RHCE: variants seen among roughly 807,000 people sequenced by gnomAD.
RHCE encodes the protein blood group Rh(CE) polypeptide.
RHCE carries 22 observed loss-of-function variants against 43.8 expected under a neutral mutation model. The ratio of observed to expected loss-of-function variants is 0.50; its 90% CI spans 0.36 to 0.72. The LOEUF is 0.72. Among genes scored for constraint, RHCE ranks in the 30% least tolerant of loss-of-function variants. RHCE has a pLI of 0.00. For missense variants in RHCE, 385 were observed against 525.4 expected (o/e 0.73, Z 2.61); for synonymous variants, 156 against 210.7 (o/e 0.74, Z 2.25).
chr1:25,385,993 T>C (rs959548796), intron 6 of RHCE, 149 bp from the exon 7 acceptor site: 11 of 1,177,618 alleles, frequency 9.3e-6, no homozygotes, highest in African/African-American at 7.5e-5. Context: ...CTTGAATGTG[T>C]ACTCACATCA....
intron 3 of RHCE, among the ~76,000 whole-genome samples, chr1:25,395,196 C>T (rs1274906309): frequency 1.4e-5 from 2 of 143,950 alleles, no homozygotes; most frequent in East Asian, 3.9e-4. Context: ...GCTGTAGCTG[C>T]TTGGACCAGA....
intron 3 of RHCE, among the ~76,000 whole-genome samples, chr1:25,396,554 A>C (rs1009637954): frequency 6.6e-6 from 1 of 152,230 alleles, no homozygotes; most frequent in African/African-American, 2.4e-5. Flanking sequence ...GAGAGGCCTC[A>C]GGAAACTTAC....
chr1:25,405,924 C>T (rs1177256855), intron 2 of RHCE, among the ~76,000 whole-genome samples: 3 of 122,654 alleles, frequency 2.4e-5, no homozygotes, highest in African/African-American at 5.0e-5. Flanking sequence ...TGACGGGAAC[C>T]GGTCAGGAAG....
intron 5 of RHCE, among the ~76,000 whole-genome samples, chr1:25,389,910 C>T (rs777687962): frequency 6.6e-6 from 1 of 152,138 alleles, no homozygotes; most frequent in Non-Finnish European, 1.5e-5. Flanking sequence ...TGAGCTGACA[C>T]CCACTCCTGC....
chr1:25,424,894 G>A (rs1249979928), upstream of RHCE, among the ~76,000 whole-genome samples: 2 of 151,650 alleles, frequency 1.3e-5, no homozygotes, highest in Non-Finnish European at 2.9e-5. Flanking sequence ...TTGGCTCATT[G>A]CAACTTCTGC....
intron 7 of RHCE, among the ~76,000 whole-genome samples, chr1:25,379,502 T>C (rs1338335000): frequency 2.6e-5 from 1 of 38,110 alleles, no homozygotes; most frequent in African/African-American, 2.8e-4. Context: ...TATATTTTTT[T>C]TTTTTTTTTT....
chr1:25,392,404 G>C (rs940651109), intron 3 of RHCE, among the ~76,000 whole-genome samples: 2 of 152,058 alleles, frequency 1.3e-5, no homozygotes, highest in African/African-American at 4.8e-5. Context: ...TGGGATTACA[G>C]GCATGCGCCA....
upstream of RHCE, among the ~76,000 whole-genome samples, chr1:25,422,487 C>T (rs618062): frequency 3.5e-4 from 54 of 152,118 alleles, no homozygotes; most frequent in African/African-American, 9.7e-4. Flanking sequence ...CTAACTGTTA[C>T]TAAGTACTTG....
chr1:25,409,895 A>AT lies in RHCE; in HGVS notation c.149-1027dup, dbSNP rs879317136. ...ACTTGCCCCGGTGGGTAGAGCTAAG[A>AT]TTTTTTTTTTTTAATTTTGAGATAG... On this transcript the variant is annotated intron_variant, in intron 1 of 9. Coordinates refer to ENST00000294413, the MANE Select transcript of RHCE (RefSeq NM_020485.8). 1.4e-3 allele frequency among the ~76,000 whole-genome samples: 208 copies of AT among 145,784 alleles called. 1 individual carries two copies. Among genetic ancestry groups the AT allele is most frequent in the African/African-American group, 4.2e-3 (164 of 39,112 alleles).
intron 3 of RHCE, among the ~76,000 whole-genome samples, chr1:25,400,349 C>T (rs1357708813): frequency 1.3e-5 from 2 of 152,092 alleles, no homozygotes; most frequent in Non-Finnish European, 2.9e-5. Flanking sequence ...AGCCCTCATC[C>T]GACTTGACCT....
At chr1:25,392,862 C>G (rs1233450148) in intron 3 of RHCE, among the ~76,000 whole-genome samples, 2 of 152,116 alleles carry the variant, frequency 1.3e-5, no homozygotes, top group African/African-American at 4.8e-5. Flanking sequence ...CACGCCCGGC[C>G]TATCAGTAGC....
At chr1:25,389,394 C>A (rs760938) in intron 5 of RHCE, among the ~76,000 whole-genome samples, 65,680 of 151,886 alleles carry the variant, frequency 0.43, 15,463 homozygotes, top group Non-Finnish European at 0.54. Context: ...CCTAGGCACC[C>A]ATCACACTCA....
chr1:25,382,532 G>A (rs890001045), intron 7 of RHCE, among the ~76,000 whole-genome samples: 6 of 150,596 alleles, frequency 4.0e-5, no homozygotes, highest in African/African-American at 1.5e-4. Flanking sequence ...CATTCTATAT[G>A]ATGCTGTCTG....
In RHCE at chr1:25,362,440, G is replaced by A. The variant is rs780680734; in HGVS notation, c.*87C>T. On this transcript the variant is annotated 3_prime_UTR_variant, in exon 10 of 10. Coordinates refer to ENST00000294413, the MANE Select transcript of RHCE (RefSeq NM_020485.8). ...ATACATAAGGAGACTTTGCTGTCAT[G>A]AGCGTTTCTCACGTACAAATGCAGG... is the stretch of plus-strand genomic sequence containing the variant. The A allele has an allele frequency of 3.7e-6, 6 of 1,613,370 alleles. No homozygotes were observed. The highest frequency in any genetic ancestry group is 2.2e-5 in the East Asian group (1 of 44,852).
At chr1:25,387,321 G>A (rs566649994) in intron 6 of RHCE, among the ~76,000 whole-genome samples, 58 of 152,274 alleles carry the variant, frequency 3.8e-4, no homozygotes, top group African/African-American at 1.2e-3. Flanking sequence ...AAGCATTTCC[G>A]GACCCATCCC....
chr1:25,404,753 C>A (rs1378883794), intron 2 of RHCE, among the ~76,000 whole-genome samples: 1 of 151,810 alleles, frequency 6.6e-6, no homozygotes, highest in Admixed American at 6.6e-5. Context: ...TGCCTTGGTG[C>A]CTCCATTTAT....
At chr1:25,377,741 T>C (rs1488074687) in intron 7 of RHCE, among the ~76,000 whole-genome samples, 1 of 152,096 alleles carries the variant, frequency 6.6e-6, no homozygotes, top group African/African-American at 2.4e-5. Flanking sequence ...AAAAATTATT[T>C]TGTCTATACA....
chr1:25,378,630 T>C (rs1467087761), intron 7 of RHCE, among the ~76,000 whole-genome samples: 1 of 152,150 alleles, frequency 6.6e-6, no homozygotes, highest in Non-Finnish European at 1.5e-5. Flanking sequence ...AGCTACAAAT[T>C]CCAACATATG....
chr1:25,377,911 A>G (rs1415463731), intron 7 of RHCE, among the ~76,000 whole-genome samples: 6 of 152,198 alleles, frequency 3.9e-5, no homozygotes. Flanking sequence ...TTTCAAAAAG[A>G]AAGAAGGAAA....
Sources: gnomAD v4.1 joint callset for allele counts (sites outside exome capture counted in the v4.1 genomes callset) on GRCh38, gnomAD v4.1.1 for gene constraint, MANE v1.5 for transcripts, NCBI Gene and HGNC (gene_info 2026-07-23, HGNC 2026-07-21) for gene names.